FAT4: variants seen among roughly 807,000 people sequenced by gnomAD.
FAT4 encodes FAT atypical cadherin 4.
Under a neutral mutation model 303.9 loss-of-function variants are expected in FAT4, and 84 were observed. The observed-to-expected ratio is 0.28, with a 90% CI of 0.23 to 0.33. The LOEUF is 0.33. Ranked by LOEUF, FAT4 falls within the 10% of genes least tolerant of loss-of-function variation. The pLI, the probability that FAT4 is intolerant of heterozygous loss-of-function variation, is 1.00. For missense variants in FAT4, 6,005 were observed against 6,146.8 expected, an observed-to-expected ratio of 0.98 and a Z score of 0.77; for synonymous variants, 2,307 against 2,298.8, an observed-to-expected ratio of 1.00 and a Z score of -0.10.
intron 2 of FAT4, among the ~76,000 whole-genome samples, chr4:125,392,148 T>C (rs946099821): frequency 6.6e-6 from 1 of 152,162 alleles, no homozygotes; most frequent in African/African-American, 2.4e-5. Flanking sequence ...AAATAAATAT[T>C]TCTGACAAAA....
intron 2 of FAT4, among the ~76,000 whole-genome samples, chr4:125,388,021 T>A (rs977917917): frequency 6.6e-6 from 1 of 152,188 alleles, no homozygotes; most frequent in Non-Finnish European, 1.5e-5. Context: ...TTGGCTTCAG[T>A]CTAAAAACCT....
intron 13 of FAT4, among the ~76,000 whole-genome samples, chr4:125,476,651 A>C (rs1016974873): frequency 7.8e-6 from 1 of 128,202 alleles, no homozygotes; most frequent in African/African-American, 2.9e-5. Flanking sequence ...TGAGCACAGC[A>C]GTAATCTACC....
Position 125,478,981 on chromosome 4 carries a change from T to C in FAT4, c.12480-760T>C, listed in dbSNP as rs74553888. On this transcript the variant is annotated intron_variant, in intron 14 of 17. Coordinates refer to ENST00000394329, the MANE Select transcript of FAT4 (RefSeq NM_001291303.3). ...GCCATCTCCCTTCACTTCCTGAACA[T>C]ATCTAACTATTCTTCTTCTTGTGCC... is the stretch of plus-strand genomic sequence containing the variant. 6.6e-5 allele frequency among the ~76,000 whole-genome samples: 10 copies of C among 152,230 alleles called. No individual in the cohort carries two copies. The East Asian group carries it at 1.7e-3, about 27-fold the overall frequency.
rs377613970 is a variant in FAT4 at position 125,320,668 on chromosome 4, C to G, written c.4257C>G (p.Ser1419Arg). The change falls in exon 2 of 18, where the codon AGC (serine) becomes AGG (arginine). Residue 1419 changes from serine to arginine, a missense_variant. Ser to Arg is a moderately radical substitution (Grantham distance 110, BLOSUM62 -1). Transcript: ENST00000394329. The stretch of plus-strand genomic sequence containing the variant: ...GGGACTTTAATGACAATCCTCCTAG[C>G]TTTCCTCCTGGAGATATTTTCAAGT... ...HVRDFNDNPP[S>R]FPPGDIFKSI... The G allele has an allele frequency of 2.0e-5, 32 of 1,613,694 alleles. No individual in the cohort carries two copies. In the Middle Eastern group the frequency reaches 4.9e-4, roughly 25 times the overall value.
At chr4:125,404,461 A>G (rs528289525) in intron 3 of FAT4, among the ~76,000 whole-genome samples, 1 of 152,254 alleles carries the variant, frequency 6.6e-6, no homozygotes, top group Non-Finnish European at 1.5e-5. Context: ...CTTTTGTTCT[A>G]TATTAAAATT....
chr4:125,401,643 G>A (rs1734392928), intron 3 of FAT4, among the ~76,000 whole-genome samples: 1 of 151,904 alleles, frequency 6.6e-6, no homozygotes, highest in African/African-American at 2.4e-5. Flanking sequence ...AAAACAACAT[G>A]TACATGTTGA....
intron 2 of FAT4, among the ~76,000 whole-genome samples, chr4:125,392,310 T>TG (rs1734005602): frequency 6.6e-6 from 1 of 152,152 alleles, no homozygotes; most frequent in Non-Finnish European, 1.5e-5. Flanking sequence ...CAATTAATTT[T>TG]GGAGTGTCAG....
At chr4:125,372,768 A>G (rs1733172169) in intron 2 of FAT4, among the ~76,000 whole-genome samples, 6 of 152,200 alleles carry the variant, frequency 3.9e-5, no homozygotes, top group Admixed American at 3.3e-4. Flanking sequence ...ATATGCTTCT[A>G]TCCTTACAAT....
Position 125,319,468 on chromosome 4 carries a change from A to G in FAT4, c.3057A>G (p.Gln1019=), listed in dbSNP as rs765012602. The change falls in exon 2 of 18, where the codon CAA becomes CAG. Residue 1019 remains glutamine (Q), a synonymous_variant. Transcript: ENST00000394329. ...TGAATTCTCGATTCTTTAAAGTACA[A>G]GCTTCTGATAAGGATTCAGGAGCAA... ...EPVNSRFFKV[Q]ASDKDSGANG... The G allele has an allele frequency of 6.2e-6, 10 of 1,613,278 alleles. No individual in the cohort carries two copies. In the Admixed American group the frequency reaches 1.5e-4, roughly 24 times the overall value.
chr4:125,439,045 T>C (rs908373797), intron 8 of FAT4, among the ~76,000 whole-genome samples: 3 of 152,216 alleles, frequency 2.0e-5, no homozygotes, highest in African/African-American at 7.2e-5. Flanking sequence ...TCAAACTTTG[T>C]ATTTCTACAA....
intron 5 of FAT4, among the ~76,000 whole-genome samples, chr4:125,409,593 G>C (rs993649454): frequency 2.0e-5 from 3 of 152,104 alleles, no homozygotes; most frequent in East Asian, 1.9e-4. Flanking sequence ...ATTTCAGCTC[G>C]AACAGTCTCA....
chr4:125,385,734 T>C (rs1247131154), intron 2 of FAT4, among the ~76,000 whole-genome samples: 1 of 152,122 alleles, frequency 6.6e-6, no homozygotes, highest in Non-Finnish European at 1.5e-5. Context: ...TTTCAAATCT[T>C]TCATAAGTGT....
In FAT4 at chr4:125,452,439, A is replaced by G. The variant is rs114637892; in HGVS notation, c.11429A>G (p.His3810Arg). 1.5e-3 allele frequency: 2,477 copies of G among 1,614,056 alleles called. 20 individuals are homozygous for G. In the African/African-American group the frequency reaches 0.023, roughly 15 times the overall value. The change falls in exon 10 of 18, where the codon CAT becomes CGT. Residue 3810 changes from histidine (H) to arginine (R), a missense_variant. Coordinates refer to ENST00000394329, the MANE Select transcript of FAT4 (RefSeq NM_001291303.3). ...TCTGTGGATCATGACTCCTGTGTGC[A>G]TGGCCCATGTCAGAATGGAGGGAGC... Reference protein sequence around the residue: ...VESVDHDSCVHGPCQNGGSCL... With the variant: ...VESVDHDSCVRGPCQNGGSCL...
chr4:125,407,231 T>A, intron 4 of FAT4, 90 bp downstream of exon 4: 1 of 1,170,552 alleles, frequency 8.5e-7, no homozygotes, highest in Non-Finnish European at 1.2e-6. Flanking sequence ...AATCAATGAT[T>A]AGTTTTTAAT....
rs998399883 is a variant in FAT4 at position 125,450,218 on chromosome 4, C to A, written c.9208C>A (p.Pro3070Thr). Residue 3070 changes from proline to threonine, a missense_variant, in exon 10 of 18, where the codon CCA becomes ACA. Transcript: ENST00000394329. The part of the protein sequence containing the change: ...TVTAKDKGNP[P>T]LSSQATVHIT... ...CACTGCAAAGGATAAGGGAAACCCT[C>A]CACTTTCTTCCCAAGCAACTGTTCA... 1 of 1,613,810 alleles carries A rather than the reference C, an allele frequency of 6.2e-7. No homozygotes were observed. Among genetic ancestry groups the A allele is most frequent in the Non-Finnish European group, 8.5e-7 (1 of 1,179,994 alleles).
intron 2 of FAT4, among the ~76,000 whole-genome samples, chr4:125,327,078 T>A (rs989770363): frequency 1.3e-5 from 2 of 152,102 alleles, no homozygotes; most frequent in Non-Finnish European, 2.9e-5. Context: ...GGGAAACAAT[T>A]TTTGCCTACC....
intron 2 of FAT4, among the ~76,000 whole-genome samples, chr4:125,366,712 A>T (rs1224435611): frequency 6.6e-6 from 1 of 152,074 alleles, no homozygotes; most frequent in Non-Finnish European, 1.5e-5. Flanking sequence ...TTACAGTCCC[A>T]CCTACGGTGT....
intron 2 of FAT4, among the ~76,000 whole-genome samples, chr4:125,336,492 G>A (rs1731582150): frequency 6.6e-6 from 1 of 152,000 alleles, no homozygotes; most frequent in Non-Finnish European, 1.5e-5. Flanking sequence ...AAAAGATAGG[G>A]TAAGTGAATT....
intron 2 of FAT4, among the ~76,000 whole-genome samples, chr4:125,351,419 T>G (rs1235967300): frequency 6.6e-6 from 1 of 151,796 alleles, no homozygotes; most frequent in Non-Finnish European, 1.5e-5. Flanking sequence ...GAATTTCAAA[T>G]TTTTGAGAAA....
Sources: allele counts gnomAD v4.1 joint callset (sites outside exome capture counted in the v4.1 genomes callset), GRCh38; gene constraint gnomAD v4.1.1; transcripts MANE v1.5; gene names NCBI Gene and HGNC (gene_info 2026-07-23, HGNC 2026-07-21).